Variants in PLCL1 observed in about 807,000 individuals in gnomAD.
PLCL1 encodes the protein phospholipase C like 1 (inactive).
PLCL1 carries 41 observed loss-of-function variants against 84.4 expected under a neutral mutation model. The ratio of observed to expected loss-of-function variants is 0.49; its 90% confidence interval spans 0.38 to 0.63. PLCL1 has a LOEUF of 0.63. PLCL1 is among the 30% of genes least tolerant of loss of function. PLCL1 has a pLI of 0.00. For synonymous variants in PLCL1, 490 were observed against 488.3 expected, an observed-to-expected ratio of 1.00 and a Z score of -0.05; for missense variants, 1,206 against 1,367.8, an observed-to-expected ratio of 0.88 and a Z score of 1.87.
intron 1 of PLCL1, among the ~76,000 whole-genome samples, chr2:198,045,416 T>G (rs1691763892): frequency 6.6e-6 from 1 of 152,214 alleles, no homozygotes; most frequent in Admixed American, 6.5e-5. Flanking sequence ...TGAAACATAT[T>G]GCATTATTTT....
At chr2:198,005,825 G>A (rs893558206) in intron 1 of PLCL1, among the ~76,000 whole-genome samples, 5 of 152,246 alleles carry the variant, frequency 3.3e-5, no homozygotes, top group African/African-American at 1.2e-4. Flanking sequence ...GCTGAAAGAT[G>A]CAAGGGGACT....
intron 1 of PLCL1, among the ~76,000 whole-genome samples, chr2:197,809,313 T>C (rs1196179485): frequency 1.3e-5 from 2 of 152,220 alleles, no homozygotes; most frequent in Admixed American, 6.5e-5. Flanking sequence ...AAGTCATGTC[T>C]GCTTAATTTC....
At chr2:197,849,012 G>C (rs1687171529) in intron 1 of PLCL1, among the ~76,000 whole-genome samples, 1 of 152,178 alleles carries the variant, frequency 6.6e-6, no homozygotes, top group Non-Finnish European at 1.5e-5. Context: ...GGTGCTAAGT[G>C]AATTGACAAT....
At chr2:198,129,334 T>C in intron 5 of PLCL1, among the ~76,000 whole-genome samples, 1 of 152,152 alleles carries the variant, frequency 6.6e-6, no homozygotes, top group East Asian at 1.9e-4. Context: ...AATAAGACCG[T>C]TGGTCTCCAA....
At chr2:198,130,788 G>T (rs563482767) in intron 5 of PLCL1, among the ~76,000 whole-genome samples, 1 of 152,108 alleles carries the variant, frequency 6.6e-6, no homozygotes, top group East Asian at 1.9e-4. Flanking sequence ...TACCTCCCTA[G>T]GAAACTTCCA....
rs36027486 is a variant in PLCL1, at chr2:197,886,553, G to GA, written c.240+81223dup. 2.7e-5 allele frequency among the ~76,000 whole-genome samples: 4 copies of GA among 149,682 alleles called. No homozygotes were observed. In the South Asian group the frequency reaches 6.3e-4, roughly 24 times the overall value. Reference sequence around the variant, plus strand: ...TTGTCAGTTTATTTGAAGGTTTGTGGAAAAAAAAATTATCAGATTGTCAGT... The same window carrying GA: ...TTGTCAGTTTATTTGAAGGTTTGTGGAAAAAAAAAATTATCAGATTGTCAGT... On this transcript the variant is annotated intron_variant, in intron 1 of 5. Coordinates refer to ENST00000428675, the MANE Select transcript of PLCL1 (RefSeq NM_006226.4).
intron 1 of PLCL1, among the ~76,000 whole-genome samples, chr2:197,923,448 G>A (rs1195538400): frequency 2.0e-5 from 3 of 147,578 alleles, no homozygotes; most frequent in Non-Finnish European, 3.0e-5. Flanking sequence ...AGACGGGGCG[G>A]CCGGGCAGAG....
chr2:197,868,826 C>A (rs1449096340), intron 1 of PLCL1, among the ~76,000 whole-genome samples: 1 of 151,752 alleles, frequency 6.6e-6, no homozygotes, highest in Non-Finnish European at 1.5e-5. Flanking sequence ...TTTACACATA[C>A]TTTTAACAGG....
At chr2:197,949,510 T>C (rs1354199778) in intron 1 of PLCL1, among the ~76,000 whole-genome samples, 1 of 152,168 alleles carries the variant, frequency 6.6e-6, no homozygotes, top group African/African-American at 2.4e-5. Flanking sequence ...GAAAAAACCC[T>C]ATTTGTGAAA....
intron 5 of PLCL1, 94 bp from the exon 6 acceptor site, chr2:198,146,686 T>G: frequency 9.9e-7 from 1 of 1,005,874 alleles, no homozygotes. Flanking sequence ...GTTTCCTTAT[T>G]CAGCAATGGG....
At chr2:197,954,408 G>T (rs533843063) in intron 1 of PLCL1, among the ~76,000 whole-genome samples, 141 of 152,162 alleles carry the variant, frequency 9.3e-4, no homozygotes, top group Middle Eastern at 3.4e-3. Flanking sequence ...AAGACAGGAA[G>T]GCCTGCAGAG....
intron 1 of PLCL1, among the ~76,000 whole-genome samples, chr2:197,832,768 A>G (rs1691095317): frequency 6.6e-6 from 1 of 152,246 alleles, no homozygotes; most frequent in South Asian, 2.1e-4. Context: ...ATACTGGCAA[A>G]CCAAATCCAG....
chr2:197,868,204 A>G (rs534473894), intron 1 of PLCL1, among the ~76,000 whole-genome samples: 1 of 152,328 alleles, frequency 6.6e-6, no homozygotes, highest in South Asian at 2.1e-4. Context: ...TATTACTTCT[A>G]GCTAAAGAAG....
chr2:198,138,942 G>A (rs1206131436), intron 5 of PLCL1, among the ~76,000 whole-genome samples: 2 of 152,000 alleles, frequency 1.3e-5, no homozygotes, highest in Non-Finnish European at 2.9e-5. Flanking sequence ...GATCACCTGA[G>A]GTCAGGAGTT....
intron 1 of PLCL1, among the ~76,000 whole-genome samples, chr2:198,049,218 A>G (rs1169114852): frequency 6.6e-6 from 1 of 152,256 alleles, no homozygotes; most frequent in Non-Finnish European, 1.5e-5. Flanking sequence ...TTGCAACTGA[A>G]GACAAATCAC....
rs975452339 is a variant in PLCL1, at chr2:197,870,881, C to G, written c.240+65542C>G. ...ACTGGGGGGAAAAGAGACCAGGCTG[C>G]CCCTATTCCTTATCACACTCCCTTA... On this transcript the variant is annotated intron_variant, in intron 1 of 5. Coordinates refer to ENST00000428675, the MANE Select transcript of PLCL1 (RefSeq NM_006226.4). Among the ~76,000 whole-genome samples, 4 of 151,992 alleles carry G rather than the reference C, an allele frequency of 2.6e-5. No homozygotes were observed. In the South Asian group the frequency reaches 6.2e-4, roughly 24 times the overall value.
intron 1 of PLCL1, among the ~76,000 whole-genome samples, chr2:198,036,312 T>C (rs1691549903): frequency 6.6e-6 from 1 of 152,204 alleles, no homozygotes; most frequent in African/African-American, 2.4e-5. Context: ...ACTGAAGTAA[T>C]ATCTTACCTC....
At chr2:197,975,383 A>G (rs919413376) in intron 1 of PLCL1, among the ~76,000 whole-genome samples, 4 of 152,132 alleles carry the variant, frequency 2.6e-5, no homozygotes, top group Non-Finnish European at 5.9e-5. Flanking sequence ...AAGCATCTAC[A>G]ATTTTCATTC....
At chr2:197,989,299 G>T (rs1690287668) in intron 1 of PLCL1, among the ~76,000 whole-genome samples, 1 of 152,142 alleles carries the variant, frequency 6.6e-6, no homozygotes, top group Admixed American at 6.6e-5. Flanking sequence ...GATAAAAAAG[G>T]AAGACATGGA....
Sources: gnomAD v4.1 joint callset for allele counts (sites outside exome capture counted in the v4.1 genomes callset) on GRCh38, gnomAD v4.1.1 for gene constraint, MANE v1.5 for transcripts, NCBI Gene and HGNC (gene_info 2026-07-23, HGNC 2026-07-21) for gene names.